Variants in POM121 observed in about 807,000 individuals in gnomAD.
The protein encoded by POM121 is nuclear envelope pore membrane protein POM 121.
POM121 carries 32 observed loss-of-function variants against 81.3 expected under a neutral mutation model. That is an observed-to-expected ratio of 0.39 (90% CI 0.30 to 0.53). POM121 has a LOEUF of 0.53. Among genes scored for constraint, POM121 ranks in the 20% least tolerant of loss-of-function variants. The pLI, the probability that POM121 is intolerant of heterozygous loss-of-function variation, is 0.66. For synonymous variants in POM121, 514 were observed against 694.2 expected (o/e 0.74, Z 4.08); for missense variants, 1,138 against 1,614.6 (o/e 0.70, Z 5.06).
intron 3 of POM121, among the ~76,000 whole-genome samples, chr7:72,927,720 CCTTATGTGGTTT>C (rs1795604949): frequency 6.6e-6 from 1 of 151,430 alleles, no homozygotes; most frequent in Non-Finnish European, 1.5e-5. Flanking sequence ...AAAAAAAAAT[CCTTATGTGGTTT>C]ATAGAATAAG....
chr7:72,930,251 T>C, intron 5 of POM121, 140 bp downstream of exon 5: 1 of 1,245,178 alleles, frequency 8.0e-7, no homozygotes, highest in Non-Finnish European at 1.1e-6. Context: ...GCCCAGGAGT[T>C]CAAAACCAGC....
intron 5 of POM121, among the ~76,000 whole-genome samples, chr7:72,932,593 A>G (rs1796124445): frequency 6.6e-6 from 1 of 152,194 alleles, no homozygotes; most frequent in Non-Finnish European, 1.5e-5. Flanking sequence ...CCCAGGTCAA[A>G]GGTTAAATGC....
intron 4 of POM121, among the ~76,000 whole-genome samples, chr7:72,928,676 T>C (rs1384767116): frequency 6.6e-6 from 1 of 152,230 alleles, no homozygotes; most frequent in Non-Finnish European, 1.5e-5. Flanking sequence ...ATGGATGAAA[T>C]ATGCTGAGAC....
chr7:72,887,793 C>G (rs577281589), intron 1 of POM121, among the ~76,000 whole-genome samples: 1 of 152,298 alleles, frequency 6.6e-6, no homozygotes, highest in South Asian at 2.1e-4. Flanking sequence ...TGCCATTGCA[C>G]TCCAGCCTGG....
upstream of POM121, chr7:72,925,002 C>G (rs1795210406): frequency 7.5e-7 from 1 of 1,327,062 alleles, no homozygotes; most frequent in Non-Finnish European, 9.6e-7. Context: ...GTCTCGGGCG[C>G]TGCCGGGCGG....
downstream of POM121, chr7:72,948,563 G>A (rs781994084): frequency 2.4e-5 from 39 of 1,613,352 alleles, no homozygotes; most frequent in East Asian, 1.8e-4. Context: ...CTGGGTGTGC[G>A]TTCTGGTGCT....
downstream of POM121, chr7:72,949,178 G>A (rs1216254617): frequency 1.3e-5 from 16 of 1,256,032 alleles, no homozygotes; most frequent in African/African-American, 1.2e-4. Flanking sequence ...TGAAATCCTC[G>A]CTTCACAGAG....
chr7:72,905,425 T>C (rs575973645), intron 3 of POM121, among the ~76,000 whole-genome samples: 126 of 152,318 alleles, frequency 8.3e-4, no homozygotes, highest in African/African-American at 2.8e-3. Context: ...TTGTTTTGGC[T>C]GGGCATGGTG....
chr7:72,942,152 C>A lies in POM121; in HGVS notation c.2159C>A (p.Ala720Asp), dbSNP rs1554501259. The A allele has an allele frequency of 6.8e-6, 11 of 1,608,578 alleles. No homozygotes were observed. Among genetic ancestry groups the A allele is most frequent in the Non-Finnish European group, 9.3e-6 (11 of 1,179,816 alleles). ...TCACCTTCCAGCCCTGCCGCCCCTG[C>A]TGCATCTTCAGCACCTCCCATGTTC... ...NTSPSSPAAP[A>D]ASSAPPMFKP... is the part of the protein sequence containing the mutation. Residue 720 changes from alanine to aspartate, a missense_variant, in exon 11 of 13, where the codon GCT becomes GAT. Around this residue, in one of 7 missense-constraint regions of POM121, gnomAD observed 37 missense variants for 62.8 expected, o/e 0.59. Transcript: ENST00000434423.
At chr7:72,907,461 T>A (rs1370732319) in intron 3 of POM121, among the ~76,000 whole-genome samples, 9 of 152,154 alleles carry the variant, frequency 5.9e-5, no homozygotes, top group Non-Finnish European at 8.8e-5. Flanking sequence ...TTTTTTAAAA[T>A]TTAATTTGTA....
rs532925417 is a variant in POM121 at position 72,890,099 on chromosome 7, A to ATCAG, written c.-520-524_-520-521dup. On this transcript the variant is annotated intron_variant, in intron 1 of 15. Coordinates refer to the POM121 transcript ENST00000395270. ...GTGAGATTGAGATGTTTGAGATAAAATCAGTCATGCAGATAGCCAGAGGCC... is the reference window on the plus strand; with the variant it reads ...GTGAGATTGAGATGTTTGAGATAAAATCAGTCAGTCATGCAGATAGCCAGAGGCC... 1.8e-4 allele frequency among the ~76,000 whole-genome samples: 27 copies of ATCAG among 152,084 alleles called. No homozygotes were observed. The East Asian group carries it at 4.8e-3, about 27-fold the overall frequency.
Position 72,926,832 on chromosome 7 carries a change from C to T in POM121, c.891C>T (p.Ser297=), listed in dbSNP as rs199996427. 3.1e-6 allele frequency: 5 copies of T among 1,613,968 alleles called. No individual in the cohort carries two copies. The highest frequency in any genetic ancestry group is 1.7e-4 in the Middle Eastern group (1 of 6,056). The change falls in exon 3 of 13, where the codon TCC becomes TCT. Residue 297 remains serine (S), a synonymous_variant. Coordinates refer to ENST00000434423, the MANE Select transcript of POM121 (RefSeq NM_001387691.1). The stretch of plus-strand genomic sequence containing the variant: ...AGCAGATAATCAGCTCAACACTGTC[C>T]TCACCATCAAGTAACGCCCCAGACC... ...IPEQIISSTL[S]SPSSNAPDPC...
upstream of POM121, among the ~76,000 whole-genome samples, chr7:72,920,353 T>TC (rs1794687702): frequency 6.7e-6 from 1 of 148,566 alleles, no homozygotes; most frequent in African/African-American, 2.5e-5. Context: ...GTCTTTTTTT[T>TC]TTTTTTTTTT....
intron 3 of POM121, among the ~76,000 whole-genome samples, chr7:72,913,254 T>C (rs1554494562): frequency 6.6e-6 from 1 of 152,166 alleles, no homozygotes; most frequent in Non-Finnish European, 1.5e-5. Flanking sequence ...TTAACTCTTT[T>C]CCTGTGGACT....
chr7:72,939,505 A>G, intron 7 of POM121, 96 bp downstream of exon 7: 2 of 1,520,712 alleles, frequency 1.3e-6, no homozygotes. Context: ...GGTCTTGAGC[A>G]TTGCTATGTC....
At chr7:72,926,160 T>G (rs1414099439) in intron 1 of POM121, 102 bp from the exon 2 acceptor site, 3 of 1,241,724 alleles carry the variant, frequency 2.4e-6, no homozygotes, top group Non-Finnish European at 3.4e-6. Context: ...GAAAGAGACT[T>G]AAGTTCTTTG....
chr7:72,916,372 T>G (rs1794294469), intron 4 of POM121, among the ~76,000 whole-genome samples: 1 of 152,254 alleles, frequency 6.6e-6, no homozygotes, highest in Non-Finnish European at 1.5e-5. Context: ...GGGTCCAGTT[T>G]CAGCTTTCTG....
intron 5 of POM121, among the ~76,000 whole-genome samples, chr7:72,935,773 G>A (rs1374212369): frequency 3.3e-5 from 5 of 151,906 alleles, no homozygotes; most frequent in Non-Finnish European, 5.9e-5. Flanking sequence ...GAGCCACGGC[G>A]CCTGGCCCTA....
rs1796797349 is a variant in POM121, at chr7:72,938,976, CG to C, written c.1367+296del. Among the ~76,000 whole-genome samples, 5 of 152,330 alleles carry C rather than the reference CG, an allele frequency of 3.3e-5. No individual in the cohort carries two copies. The South Asian group carries it at 1.0e-3, about 32-fold the overall frequency. On this transcript the variant is annotated intron_variant, in intron 6 of 12. Transcript: ENST00000434423. ...AGAGAGAGTCAAGTCAGCGGGCAGT[CG>C]CCTTCAGGTTCTTGACTCGAGCTGA...
Sources: allele counts gnomAD v4.1 joint callset (sites outside exome capture counted in the v4.1 genomes callset), GRCh38; gene constraint gnomAD v4.1.1; regional missense constraint gnomAD v4.1.1; transcripts MANE v1.5; gene names NCBI Gene and HGNC (gene_info 2026-07-23, HGNC 2026-07-21).